HSD17B12: variants seen among roughly 807,000 people sequenced by gnomAD.
HSD17B12 encodes hydroxysteroid 17-beta dehydrogenase 12.
A neutral mutation model predicts 39.3 loss-of-function variants in HSD17B12; 32 were observed. The ratio of observed to expected loss-of-function variants is 0.81; its 90% CI spans 0.61 to 1.09. HSD17B12 has a LOEUF of 1.09. HSD17B12 is among the 50% of genes least tolerant of loss of function. HSD17B12 has a pLI of 0.00. For synonymous variants in HSD17B12, 150 were observed against 146.7 expected (o/e 1.02, Z -0.16); for missense variants, 342 against 382.9 (o/e 0.89, Z 0.89).
intron 2 of HSD17B12, among the ~76,000 whole-genome samples, chr11:43,753,385 T>C (rs1950482157): frequency 0.05 from 2 of 40 alleles, no homozygotes; most frequent in African/African-American, 0.11. Flanking sequence ...CAGCAAAAAC[T>C]TTTTTTTTTT....
the HSD17B12 span, among the ~76,000 whole-genome samples, chr11:43,654,387 C>T: frequency 6.6e-6 from 1 of 152,106 alleles, no homozygotes; most frequent in Non-Finnish European, 1.5e-5. Context: ...TGTGCAGAAG[C>T]TCTTTAGTTT....
the HSD17B12 span, among the ~76,000 whole-genome samples, chr11:43,652,210 T>G: frequency 6.6e-6 from 1 of 152,192 alleles, no homozygotes; most frequent in African/African-American, 2.4e-5. Context: ...AGGACTTACA[T>G]TTCCTGGTTT....
At chr11:43,584,014 C>T in the HSD17B12 span, among the ~76,000 whole-genome samples, 1 of 152,148 alleles carries the variant, frequency 6.6e-6, no homozygotes, top group African/African-American at 2.4e-5. Flanking sequence ...AGAGTCCCCT[C>T]AAAGTCACCT....
At chr11:43,716,679 A>C (rs1950126231) in intron 1 of HSD17B12, among the ~76,000 whole-genome samples, 1 of 149,948 alleles carries the variant, frequency 6.7e-6, no homozygotes. Context: ...CAAAGAAACA[A>C]TAAATTATAC....
At chr11:43,610,942 A>C in the HSD17B12 span, among the ~76,000 whole-genome samples, 2 of 152,200 alleles carry the variant, frequency 1.3e-5, no homozygotes, top group Non-Finnish European at 2.9e-5. Flanking sequence ...GGCACTCCAG[A>C]GACTGCCACC....
the HSD17B12 span, among the ~76,000 whole-genome samples, chr11:43,651,698 G>A: frequency 5.9e-5 from 9 of 151,974 alleles, no homozygotes; most frequent in South Asian, 6.2e-4. Context: ...CCTGTGCTTC[G>A]GCCTCCCCAG....
the HSD17B12 span, among the ~76,000 whole-genome samples, chr11:43,616,407 T>TCAAAAA: frequency 1.6e-5 from 1 of 63,656 alleles, no homozygotes; most frequent in Non-Finnish European, 3.4e-5. Flanking sequence ...AGACTCCATC[T>TCAAAAA]AAAAAAAAAA....
At chr11:43,768,744 G>C (rs980266515) in intron 3 of HSD17B12, among the ~76,000 whole-genome samples, 1 of 152,202 alleles carries the variant, frequency 6.6e-6, no homozygotes, top group Non-Finnish European at 1.5e-5. Flanking sequence ...ACATTCCACA[G>C]CACAGAAGGA....
At chr11:43,688,023 C>T (rs1949817879) in intron 1 of HSD17B12, among the ~76,000 whole-genome samples, 1 of 152,088 alleles carries the variant, frequency 6.6e-6, no homozygotes, top group African/African-American at 2.4e-5. Context: ...ACCAGCCTGG[C>T]CAACATGGCA....
chr11:43,777,725 A>G (rs148511986), intron 3 of HSD17B12, among the ~76,000 whole-genome samples: 4,162 of 152,286 alleles, frequency 0.027, 196 homozygotes, highest in African/African-American at 0.093. Flanking sequence ...CCCATTCAGT[A>G]TGATATTGGC....
chr11:43,826,287 G>T (rs1199382512), intron 6 of HSD17B12, among the ~76,000 whole-genome samples: 1 of 151,910 alleles, frequency 6.6e-6, no homozygotes, highest in African/African-American at 2.4e-5. Context: ...GTTTCACCGT[G>T]TTAGCCAGGA....
At chr11:43,826,418 T>C (rs527659332) in intron 6 of HSD17B12, among the ~76,000 whole-genome samples, 5 of 152,186 alleles carry the variant, frequency 3.3e-5, no homozygotes, top group African/African-American at 1.2e-4. Flanking sequence ...TTGTTTAGAG[T>C]TTATGAATTA....
chr11:43,729,119 A>G (rs1950246541), intron 1 of HSD17B12, among the ~76,000 whole-genome samples: 2 of 152,306 alleles, frequency 1.3e-5, no homozygotes, highest in South Asian at 4.1e-4. Flanking sequence ...CTGAAAAACT[A>G]AAAGGGAAAG....
chr11:43,727,956 T>C (rs929392535), intron 1 of HSD17B12, among the ~76,000 whole-genome samples: 1 of 152,196 alleles, frequency 6.6e-6, no homozygotes, highest in Non-Finnish European at 1.5e-5. Context: ...AGTTTATGTG[T>C]TTTTCTGTCT....
chr11:43,836,414 T>C (rs1951371297), intron 7 of HSD17B12, among the ~76,000 whole-genome samples: 2 of 152,330 alleles, frequency 1.3e-5, no homozygotes, highest in East Asian at 1.9e-4. Context: ...TTGCATACGA[T>C]ACAATAGCTC....
At chr11:43,835,675 T>C (rs117998088) in intron 7 of HSD17B12, among the ~76,000 whole-genome samples, 79 of 152,320 alleles carry the variant, frequency 5.2e-4, no homozygotes, top group Non-Finnish European at 1.0e-3. Context: ...TGCTTTATCA[T>C]TTATTAGTCT....
intron 6 of HSD17B12, among the ~76,000 whole-genome samples, chr11:43,822,733 G>T (rs1467397612): frequency 2.6e-5 from 4 of 152,252 alleles, no homozygotes; most frequent in African/African-American, 9.6e-5. Context: ...GTCTATCATT[G>T]TTGGACATTT....
the HSD17B12 span, among the ~76,000 whole-genome samples, chr11:43,621,573 G>T: frequency 6.6e-6 from 1 of 152,084 alleles, no homozygotes; most frequent in Admixed American, 6.6e-5. Context: ...AAGCTTGCTG[G>T]GCAAGTTGGC....
intron 1 of HSD17B12, among the ~76,000 whole-genome samples, chr11:43,717,127 C>G (rs1308987323): frequency 6.6e-6 from 1 of 152,150 alleles, no homozygotes; most frequent in Non-Finnish European, 1.5e-5. Flanking sequence ...TTGGCAAACA[C>G]TAACTTACAA....
Sources: gnomAD v4.1 joint callset for allele counts (sites outside exome capture counted in the v4.1 genomes callset) on GRCh38, gnomAD v4.1.1 for gene constraint, MANE v1.5 for transcripts, NCBI Gene and HGNC (gene_info 2026-07-23, HGNC 2026-07-21) for gene names.